The following FAM170B variants were observed in gnomAD, a reference collection of about 807,000 sequenced individuals.
FAM170B encodes protein FAM170B.
A neutral mutation model predicts 3.9 loss-of-function variants in FAM170B; 4 were observed. The ratio of observed to expected loss-of-function variants is 1.01; its 90% CI spans 0.50 to 2.32. The LOEUF (loss-of-function observed/expected upper bound fraction) is 2.32. FAM170B is among the 30% of genes most tolerant of loss of function. FAM170B has a pLI of 0.02. For synonymous variants in FAM170B, 163 were observed against 149.8 expected (o/e 1.09, Z -0.64); for missense variants, 417 against 368.6 (o/e 1.13, Z -1.07).
rs1845186667 is a variant in FAM170B at position 49,131,817 on chromosome 10, C to G, written c.648G>C (p.Leu216=). Residue 216 remains leucine (L), a synonymous_variant, in exon 2 of 2, where the codon CTG becomes CTC. Coordinates refer to ENST00000311787, the MANE Select transcript of FAM170B (RefSeq NM_001164484.2). The part of the protein sequence containing the change: ...CVACCRVLPS[L]DALLEHAQHG... ...GCTGGGCGTGCTCCAGCAGAGCGTC[C>G]AGGGAGGGCAAGACCCTGCAGCAGG... 6.5e-7 allele frequency: 1 copy of G among 1,548,506 alleles called. No homozygotes were observed. The highest frequency in any genetic ancestry group is 8.7e-7 in the Non-Finnish European group (1 of 1,146,972).
Position 49,132,101 on chromosome 10 carries a change from C to T in FAM170B, c.364G>A (p.Ala122Thr). The change falls in exon 2 of 2, where the codon GCC (alanine) becomes ACC (threonine). Residue 122 changes from alanine to threonine, a missense_variant. Ala to Thr is a moderately conservative substitution (Grantham distance 58). Transcript: ENST00000311787. ...TCGAAGCCGGCCTCCGTCTCCCAGG[C>T]CACAGCCACACCCCGCACAGTCTGC... ...HVQTVRGVAV[A>T]WETEAGFEPV... 1 of 1,551,762 alleles carries T rather than the reference C, an allele frequency of 6.4e-7. No individual in the cohort carries two copies. The highest frequency in any genetic ancestry group is 8.7e-7 in the Non-Finnish European group (1 of 1,147,008).
Position 49,131,515 on chromosome 10 carries a change from C to A in FAM170B, c.*98G>T, listed in dbSNP as rs1845180910. ...GCCTTTCCTTCCCCCTGACCCTGGTCCTCTCTCCCTGCCCTAGTGGCTCTG... is the reference window on the plus strand; with the variant it reads ...GCCTTTCCTTCCCCCTGACCCTGGTACTCTCTCCCTGCCCTAGTGGCTCTG... On this transcript the variant is annotated 3_prime_UTR_variant, in exon 2 of 2. Coordinates refer to ENST00000311787, the MANE Select transcript of FAM170B (RefSeq NM_001164484.2). 1.4e-6 allele frequency: 2 copies of A among 1,441,708 alleles called. No homozygotes were observed. The highest frequency in any genetic ancestry group is 2.9e-5 in the South Asian group (2 of 68,036). 89.3% of individuals were successfully genotyped at this position (1,441,708 alleles called of 1,614,324 possible). A position where few individuals can be genotyped will look rare whatever the true frequency, so the allele number is the denominator to read the frequency against.
intron 1 of FAM170B, among the ~76,000 whole-genome samples, chr10:49,132,623 T>G (rs1253756285): frequency 4.6e-5 from 7 of 151,928 alleles, no homozygotes; most frequent in Non-Finnish European, 1.0e-4. Flanking sequence ...TATATACACA[T>G]TAGGGATATG....
intron 1 of FAM170B, 132 bp downstream of exon 1, chr10:49,133,675 C>T: frequency 2.9e-6 from 2 of 686,286 alleles, no homozygotes; most frequent in South Asian, 1.8e-5. Flanking sequence ...TTTCCCTCCA[C>T]ATCTATGTTT....
chr10:49,131,521 T>C lies in FAM170B; in HGVS notation c.*92A>G. The stretch of plus-strand genomic sequence containing the variant: ...CCTTCCCCCTGACCCTGGTCCTCTC[T>C]CCCTGCCCTAGTGGCTCTGATACTG... On this transcript the variant is annotated 3_prime_UTR_variant, in exon 2 of 2. Transcript: ENST00000311787. 1.4e-6 allele frequency: 2 copies of C among 1,454,298 alleles called. No homozygotes were observed. The highest frequency in any genetic ancestry group is 1.8e-6 in the Non-Finnish European group (2 of 1,100,430). The allele number at this position is 1,454,298 out of a possible 1,614,324, so 90.1% of individuals were successfully genotyped here.
intron 1 of FAM170B, among the ~76,000 whole-genome samples, chr10:49,133,557 A>G (rs1158056917): frequency 6.6e-6 from 1 of 152,256 alleles, no homozygotes; most frequent in African/African-American, 2.4e-5. Flanking sequence ...ATTAAAATAA[A>G]TACATAATTA....
chr10:49,132,010 G>A lies in FAM170B; in HGVS notation c.455C>T (p.Ser152Phe), dbSNP rs551403210. The change falls in exon 2 of 2, where the codon TCC becomes TTC. Residue 152 changes from serine (S) to phenylalanine (F), a missense_variant. Physicochemically the swap from Ser to Phe is radical, Grantham distance 155. Transcript: ENST00000311787. ...GGTGTTGGAAGCCATTTCGAAGGAG[G>A]AGCCGTTCCACCTCTGCCTCTTGAT... ...QFIKRQRWNG[S>F]SFEMASNTDM... 90 of 1,551,734 alleles carry A rather than the reference G, an allele frequency of 5.8e-5. No individual in the cohort carries two copies. In the African/African-American group the frequency reaches 1.1e-3, roughly 18 times the overall value.
At chr10:49,133,664 C>T in intron 1 of FAM170B, 143 bp downstream of exon 1, 2 of 652,666 alleles carry the variant, frequency 3.1e-6, no homozygotes, top group South Asian at 1.9e-5. Context: ...TATCAATTTC[C>T]TTTCCCTCCA....
chr10:49,131,601 C>T lies in FAM170B; in HGVS notation c.*12G>A, dbSNP rs1040167982. 2.6e-6 allele frequency: 4 copies of T among 1,545,006 alleles called. No individual in the cohort carries two copies. The African/African-American group carries it at 5.5e-5, about 21-fold the overall frequency. ...TGGAGGTGAGGGCAGGGTTGGGTAT[C>T]TCCCCTCTGGCTCACTGCTTCTCCT... On this transcript the variant is annotated 3_prime_UTR_variant, in exon 2 of 2. Coordinates refer to ENST00000311787, the MANE Select transcript of FAM170B (RefSeq NM_001164484.2).
At position 49,133,953 on chromosome 10, in the gene FAM170B, A is replaced by G. The variant is rs372972825; in HGVS notation, c.-35T>C. 6,114 of 1,519,286 alleles carry G rather than the reference A, an allele frequency of 4.0e-3. 27 individuals carry two copies. Among genetic ancestry groups the G allele is most frequent in the Non-Finnish European group, 4.6e-3 (5,161 of 1,117,328 alleles). The allele number at this position is 1,519,286 out of a possible 1,614,324, so 94.1% of individuals were successfully genotyped here. A position where few individuals can be genotyped will look rare whatever the true frequency, so the allele number is the denominator to read the frequency against. On this transcript the variant is annotated 5_prime_UTR_variant, in exon 1 of 2. Transcript: ENST00000311787. Reference sequence around the variant, plus strand: ...TGAGTGCCCAGGGTGTCGGTGCTCCAGCTGTTCAGTGAGAGTTGGCTGGGG... The same window carrying G: ...TGAGTGCCCAGGGTGTCGGTGCTCCGGCTGTTCAGTGAGAGTTGGCTGGGG...
rs771686518 is a variant in FAM170B at position 49,131,585 on chromosome 10, G to A, written c.*28C>T. On this transcript the variant is annotated 3_prime_UTR_variant, in exon 2 of 2. Transcript: ENST00000311787. ...GAGCAGTCCCAGGCCCTGGAGGTGA[G>A]GGCAGGGTTGGGTATCTCCCCTCTG... 63 of 1,532,696 alleles carry A rather than the reference G, an allele frequency of 4.1e-5. No individual in the cohort carries two copies. The highest frequency in any genetic ancestry group is 5.3e-5 in the Non-Finnish European group (60 of 1,136,152). The allele number at this position is 1,532,696 out of a possible 1,614,324, so 94.9% of individuals were successfully genotyped here. A position where few individuals can be genotyped will look rare whatever the true frequency, so the allele number is the denominator to read the frequency against.
At position 49,134,010 on chromosome 10, in the gene FAM170B, A is replaced by G; in HGVS notation, c.-92T>C. ...TGAAGGCCTCCAGCTGGCCCCAGCC[A>G]GAGTGGACACTGAGCTCCCCATGGT... On this transcript the variant is annotated 5_prime_UTR_variant, in exon 1 of 2. Coordinates refer to ENST00000311787, the MANE Select transcript of FAM170B (RefSeq NM_001164484.2). 1 of 969,010 alleles carries G rather than the reference A, an allele frequency of 1.0e-6. No individual in the cohort carries two copies. Among genetic ancestry groups the G allele is most frequent in the Non-Finnish European group, 1.6e-6 (1 of 619,990 alleles). 60.0% of individuals were successfully genotyped at this position (969,010 alleles called of 1,614,324 possible).
intron 1 of FAM170B, among the ~76,000 whole-genome samples, chr10:49,133,129 C>G (rs1013040554): frequency 5.3e-5 from 8 of 152,102 alleles, no homozygotes; most frequent in Admixed American, 2.6e-4. Flanking sequence ...TCAGTAAAGC[C>G]CATTTAAAAA....
In FAM170B at chr10:49,131,863, TTGG is replaced by T; in HGVS notation, c.599_601del (p.Thr200del). The T allele has an allele frequency of 6.5e-7, 1 of 1,546,416 alleles. No individual in the cohort carries two copies. Among genetic ancestry groups the T allele is most frequent in the Non-Finnish European group, 8.7e-7 (1 of 1,146,880 alleles). On this transcript the variant is annotated inframe_deletion, in exon 2 of 2. Transcript: ENST00000311787. Reference sequence around the variant, plus strand: ...GCAGGCCACGCAGCGCACCCCGTAGTTGGTGGTGACCAGCCAGTCCGGCGGCTC... The same window carrying T: ...GCAGGCCACGCAGCGCACCCCGTAGTTGGTGACCAGCCAGTCCGGCGGCTC...
chr10:49,131,895 C>T lies in FAM170B; in HGVS notation c.570G>A (p.Leu190=), dbSNP rs1564607666. 1 of 1,547,268 alleles carries T rather than the reference C, an allele frequency of 6.5e-7. No homozygotes were observed. The highest frequency in any genetic ancestry group is 8.7e-7 in the Non-Finnish European group (1 of 1,146,888). The change falls in exon 2 of 2, where the codon CTG becomes CTA. Residue 190 remains leucine, a synonymous_variant. Coordinates refer to ENST00000311787, the MANE Select transcript of FAM170B (RefSeq NM_001164484.2). ...TGACCAGCCAGTCCGGCGGCTCCCGCAGCTCCTGCAGGCAGCACTCCAGCA... is the reference window on the plus strand; with the variant it reads ...TGACCAGCCAGTCCGGCGGCTCCCGTAGCTCCTGCAGGCAGCACTCCAGCA... ...IDLLECCLQE[L]REPPDWLVTT...
At position 49,132,305 on chromosome 10, in the gene FAM170B, G is replaced by T. The variant is rs766884508; in HGVS notation, c.160C>A (p.Pro54Thr). The T allele has an allele frequency of 1.5e-5, 23 of 1,550,994 alleles. No individual in the cohort carries two copies. The highest frequency in any genetic ancestry group is 2.0e-5 in the Non-Finnish European group (23 of 1,146,896). Residue 54 changes from proline (P) to threonine (T), a missense_variant, in exon 2 of 2, where the codon CCC becomes ACC. By Grantham distance (38) the Pro-to-Thr change is conservative. Coordinates refer to ENST00000311787, the MANE Select transcript of FAM170B (RefSeq NM_001164484.2). The part of the protein sequence containing the change: ...GSSPRPGPAI[P>T]REEGLYFAAR... ...GCGAAGTAGAGGCCCTCCTCCCGGG[G>T]AATGGCAGGCCCCGGCCGTGGGGAC... is the stretch of plus-strand genomic sequence containing the variant.
chr10:49,133,194 C>T (rs951582166), intron 1 of FAM170B, among the ~76,000 whole-genome samples: 1 of 152,236 alleles, frequency 6.6e-6, no homozygotes, highest in East Asian at 1.9e-4. Flanking sequence ...TCCTCTTCAA[C>T]ATTTGTGACC....
Position 49,131,881 on chromosome 10 carries a change from T to C in FAM170B, c.584A>G (p.Asp195Gly). 3 of 1,546,522 alleles carry C rather than the reference T, an allele frequency of 1.9e-6. No individual in the cohort carries two copies. Among genetic ancestry groups the C allele is most frequent in the Middle Eastern group, 1.7e-4 (1 of 5,992 alleles). ...CCCGTAGTTGGTGGTGACCAGCCAG[T>C]CCGGCGGCTCCCGCAGCTCCTGCAG... ...CCLQELREPPDWLVTTNYGVR... is the reference protein window; with the variant it reads ...CCLQELREPPGWLVTTNYGVR... The change falls in exon 2 of 2, where the codon GAC (aspartate) becomes GGC (glycine). Residue 195 changes from aspartate (D) to glycine (G), a missense_variant. Transcript: ENST00000311787.
chr10:49,131,904 C>A lies in FAM170B; in HGVS notation c.561G>T (p.Leu187=), dbSNP rs529073950. The A allele has an allele frequency of 6.5e-7, 1 of 1,547,836 alleles. No individual in the cohort carries two copies. The highest frequency in any genetic ancestry group is 1.4e-5 in the African/African-American group (1 of 73,184). The change falls in exon 2 of 2, where the codon CTG becomes CTT. Residue 187 remains leucine (L), a synonymous_variant. Transcript: ENST00000311787. ...PEDIDLLECC[L]QELREPPDWL... is the part of the protein sequence containing the mutation. ...AGTCCGGCGGCTCCCGCAGCTCCTG[C>A]AGGCAGCACTCCAGCAGGTCTATGT...
Sources: gnomAD v4.1 joint callset for allele counts (sites outside exome capture counted in the v4.1 genomes callset) on GRCh38, gnomAD v4.1.1 for gene constraint, MANE v1.5 for transcripts, NCBI Gene and HGNC (gene_info 2026-07-23, HGNC 2026-07-21) for gene names.